Variants in ITPR1 observed in about 807,000 individuals in gnomAD.
The protein encoded by ITPR1 is inositol 1,4,5-trisphosphate receptor type 1, also known as inositol 1,4,5-trisphosphate-gated calcium channel ITPR1.
Under a neutral mutation model 318.4 loss-of-function variants are expected in ITPR1, and 96 were observed. The observed-to-expected ratio is 0.30, with a 90% CI of 0.26 to 0.36. The LOEUF (loss-of-function observed/expected upper bound fraction) is 0.36. Among genes scored for constraint, ITPR1 ranks in the 10% least tolerant of loss-of-function variants. The pLI is 1.00. For missense variants in ITPR1, 2,440 were observed against 3,460.2 expected (o/e 0.71, Z 7.40); for synonymous variants, 1,312 against 1,289.9 (o/e 1.02, Z -0.37).
chr3:4,577,120 G>C (rs76483425), intron 4 of ITPR1, among the ~76,000 whole-genome samples: 4,792 of 152,298 alleles, frequency 0.031, 134 homozygotes, highest in East Asian at 0.15. Context: ...ATATGTGGTA[G>C]AGTTGCATTC....
At chr3:4,581,052 C>T (rs1277032755) in intron 4 of ITPR1, among the ~76,000 whole-genome samples, 1 of 152,348 alleles carries the variant, frequency 6.6e-6, no homozygotes, top group East Asian at 1.9e-4. Flanking sequence ...GACTCCTCCA[C>T]ATACCAAACT....
intron 46 of ITPR1, among the ~76,000 whole-genome samples, chr3:4,770,139 C>G (rs990695785): frequency 6.6e-6 from 1 of 152,190 alleles, no homozygotes; most frequent in African/African-American, 2.4e-5. Context: ...GGAAATAATG[C>G]TAGTCCAGAT....
chr3:4,496,780 C>T (rs976910211), intron 2 of ITPR1, among the ~76,000 whole-genome samples: 1 of 152,190 alleles, frequency 6.6e-6, no homozygotes, highest in African/African-American at 2.4e-5. Context: ...CATGGCTTTT[C>T]AACTCATTTA....
intron 35 of ITPR1, among the ~76,000 whole-genome samples, chr3:4,702,098 GACCAAAAC>G (rs1386568854): frequency 4.0e-5 from 6 of 151,730 alleles, no homozygotes; most frequent in Non-Finnish European, 8.8e-5. Context: ...TTTGAATGGA[GACCAAAAC>G]TATAATTTTT....
At chr3:4,838,769 G>A (rs1483791825) in intron 61 of ITPR1, among the ~76,000 whole-genome samples, 1 of 152,132 alleles carries the variant, frequency 6.6e-6, no homozygotes, top group Non-Finnish European at 1.5e-5. Context: ...GGCTCTTTGG[G>A]GGTATGTTTC....
intron 5 of ITPR1, among the ~76,000 whole-genome samples, chr3:4,636,417 G>A (rs1249399873): frequency 6.6e-6 from 1 of 152,148 alleles, no homozygotes; most frequent in African/African-American, 2.4e-5. Context: ...AGTTTTAGAT[G>A]TGATATTTGA....
chr3:4,668,331 T>C (rs1202617886), intron 18 of ITPR1, among the ~76,000 whole-genome samples: 1 of 152,064 alleles, frequency 6.6e-6, no homozygotes, highest in African/African-American at 2.4e-5. Flanking sequence ...TCAATTGTTT[T>C]GATTTTTAGA....
intron 33 of ITPR1, among the ~76,000 whole-genome samples, chr3:4,695,045 T>A (rs758657462): frequency 1.6e-4 from 24 of 152,242 alleles, no homozygotes; most frequent in Admixed American, 2.0e-4. Context: ...TCTTTTCATA[T>A]CAATTCATAA....
chr3:4,613,117 T>C (rs1309329490), intron 4 of ITPR1, among the ~76,000 whole-genome samples: 3 of 152,204 alleles, frequency 2.0e-5, no homozygotes, highest in African/African-American at 2.4e-5. Context: ...TTAATCAATA[T>C]GTGTAAGATG....
At chr3:4,706,895 C>T (rs1420688351) in intron 37 of ITPR1, among the ~76,000 whole-genome samples, 1 of 152,184 alleles carries the variant, frequency 6.6e-6, no homozygotes, top group Non-Finnish European at 1.5e-5. Flanking sequence ...CTTAAACATG[C>T]ATCTTAACAT....
chr3:4,494,666 G>A (rs2080409477), intron 2 of ITPR1, among the ~76,000 whole-genome samples, 160 bp downstream of exon 2: 1 of 152,230 alleles, frequency 6.6e-6, no homozygotes, highest in African/African-American at 2.4e-5. Flanking sequence ...GAGGGCTTTT[G>A]GGAGCAGAGG....
At chr3:4,830,329 A>G (rs1035633367) in intron 60 of ITPR1, among the ~76,000 whole-genome samples, 1 of 151,756 alleles carries the variant, frequency 6.6e-6, no homozygotes, top group African/African-American at 2.4e-5. Flanking sequence ...AAAGATGACT[A>G]TTTTTTCACC....
rs183850917 is a variant in ITPR1 at position 4,845,122 on chromosome 3, A to C, written c.8191-1017A>C. 6.3e-3 allele frequency among the ~76,000 whole-genome samples: 963 copies of C among 152,350 alleles called. 6 individuals carry two copies. The highest frequency in any genetic ancestry group is 0.014 in the Middle Eastern group (4 of 294). ...TGAGAAAACAGACTTTGATAAGTTAAATGACAAAACCATAAGAAACTAGAT... is the reference window on the plus strand; with the variant it reads ...TGAGAAAACAGACTTTGATAAGTTACATGACAAAACCATAAGAAACTAGAT... On this transcript the variant is annotated intron_variant, in intron 61 of 61. Transcript: ENST00000649015.
intron 4 of ITPR1, among the ~76,000 whole-genome samples, chr3:4,538,618 T>C (rs948055404): frequency 5.9e-5 from 9 of 152,160 alleles, no homozygotes; most frequent in Non-Finnish European, 1.0e-4. Flanking sequence ...GCAGCACTAT[T>C]CACAATAGCA....
intron 4 of ITPR1, among the ~76,000 whole-genome samples, chr3:4,525,103 T>C (rs1273345016): frequency 1.3e-5 from 2 of 152,116 alleles, no homozygotes; most frequent in Non-Finnish European, 2.9e-5. Context: ...TGTCTTCAAA[T>C]TGTTTGTGGG....
chr3:4,619,712 T>C (rs191022388), intron 4 of ITPR1, among the ~76,000 whole-genome samples: 2,270 of 3,510 alleles, frequency 0.65, 771 homozygotes, highest in Admixed American at 0.68. Flanking sequence ...TCTCCTCTGC[T>C]CTCCCCTGCT....
Position 4,809,147 on chromosome 3 carries a change from T to C in ITPR1, c.7273-2118T>C, listed in dbSNP as rs77227310. 6.0e-4 allele frequency among the ~76,000 whole-genome samples: 91 copies of C among 152,324 alleles called. No homozygotes were observed. The East Asian group carries it at 0.017, about 28-fold the overall frequency. ...TAGTGAGAGTGGGGTAAAATGGGCATGATTCTTTACTAGTGGTGAATGTAA... is the reference window on the plus strand; with the variant it reads ...TAGTGAGAGTGGGGTAAAATGGGCACGATTCTTTACTAGTGGTGAATGTAA... On this transcript the variant is annotated intron_variant, in intron 55 of 61. Transcript: ENST00000649015.
At chr3:4,685,272 T>C (rs2094373202) in intron 30 of ITPR1, 66 bp downstream of exon 30, 3 of 1,456,364 alleles carry the variant, frequency 2.1e-6, no homozygotes, top group Non-Finnish European at 2.7e-6. Flanking sequence ...TTCCCCAAAC[T>C]CTTCACATCT....
intron 39 of ITPR1, among the ~76,000 whole-genome samples, chr3:4,716,853 A>G (rs2041802801): frequency 6.6e-6 from 1 of 152,148 alleles, no homozygotes; most frequent in Non-Finnish European, 1.5e-5. Context: ...TTAATCATCC[A>G]CAGGACCAGG....
Sources: gnomAD v4.1 joint callset for allele counts (sites outside exome capture counted in the v4.1 genomes callset) on GRCh38, gnomAD v4.1.1 for gene constraint, MANE v1.5 for transcripts, NCBI Gene and HGNC (gene_info 2026-07-23, HGNC 2026-07-21) for gene names.